Variants in TTLL3 observed in about 807,000 individuals in gnomAD.
The protein encoded by TTLL3 is tubulin monoglycylase TTLL3.
In TTLL3, 63 loss-of-function variants were observed where a neutral mutation model predicts 75.2. That is an observed-to-expected ratio of 0.84 (90% CI 0.68 to 1.03). The LOEUF is 1.03. TTLL3 is among the 50% of genes least tolerant of loss of function. TTLL3 has a pLI of 0.00. For missense variants in TTLL3, 997 were observed against 1,069.9 expected, an observed-to-expected ratio of 0.93 and a Z score of 0.95; for synonymous variants, 393 against 418.5, an observed-to-expected ratio of 0.94 and a Z score of 0.74.
In TTLL3 at chr3:9,816,388, C is replaced by CATTT. The variant is rs1319788974; in HGVS notation, c.444+187_444+190dup. 6.6e-5 allele frequency among the ~76,000 whole-genome samples: 10 copies of CATTT among 152,260 alleles called. No individual in the cohort carries two copies. In the Middle Eastern group the frequency reaches 0.01, roughly 155 times the overall value. ...AATCCAGCCCCTGCACCGTATCCGG[C>CATTT]ATTTGTAGATATGATGTCTAAAATG... is the stretch of plus-strand genomic sequence containing the variant. On this transcript the variant is annotated intron_variant, in intron 5 of 13. Coordinates refer to ENST00000685419, the MANE Select transcript of TTLL3 (RefSeq NM_001387446.1).
upstream of TTLL3, chr3:9,810,038 G>A (rs2079196531): frequency 7.5e-7 from 1 of 1,329,578 alleles, no homozygotes; most frequent in Non-Finnish European, 9.6e-7. The surrounding 1 kb of genome is among the most constrained non-coding windows in gnomAD (Gnocchi z 4.4). Flanking sequence ...CTGCTCCTGA[G>A]CGCGAGGGAG....
intron 8 of TTLL3, among the ~76,000 whole-genome samples, chr3:9,825,218 G>T (rs752717591): frequency 2.6e-5 from 4 of 151,946 alleles, no homozygotes; most frequent in Non-Finnish European, 4.4e-5. Context: ...GTGTGGTGGC[G>T]TATGCCTGTA....
intron 9 of TTLL3, among the ~76,000 whole-genome samples, chr3:9,826,206 A>G (rs1448585764): frequency 2.0e-5 from 3 of 152,256 alleles, no homozygotes; most frequent in Non-Finnish European, 4.4e-5. Context: ...CTAAAGCACT[A>G]TTCCAAATCC....
In TTLL3 at chr3:9,811,372, ATC is replaced by A. The variant is rs557950043; in HGVS notation, c.48+668_48+669del. ...TCCTCCCCAGTCTCCAGTCTTTCCC[ATC>A]TCTCAGTTCCTCACGCCAGAAATCT... On this transcript the variant is annotated intron_variant, in intron 2 of 13. Coordinates refer to ENST00000685419, the MANE Select transcript of TTLL3 (RefSeq NM_001387446.1). Among the ~76,000 whole-genome samples the A allele has an allele frequency of 1.9e-3, 290 of 152,160 alleles. 1 individual carries two copies. The highest frequency in any genetic ancestry group is 3.7e-4 in the Non-Finnish European group (25 of 67,998).
chr3:9,810,552 A>G lies in TTLL3; in HGVS notation c.-41-69A>G. 1 of 1,494,424 alleles carries G rather than the reference A, an allele frequency of 6.7e-7. No individual in the cohort carries two copies. The allele number at this position is 1,494,424 out of a possible 1,614,324, so 92.6% of individuals were successfully genotyped here. A position where few individuals can be genotyped will look rare whatever the true frequency, so the allele number is the denominator to read the frequency against. The stretch of plus-strand genomic sequence containing the variant: ...AGAGGCGTGGCTATGGGCGGCCAGA[A>G]AAGATCCTAGGCCGAGACCCTAGGC... On this transcript the variant is annotated intron_variant, in intron 1 of 13. Coordinates refer to ENST00000685419, the MANE Select transcript of TTLL3 (RefSeq NM_001387446.1). The surrounding 1 kb of genome is among the most constrained non-coding windows in gnomAD (Gnocchi z 4.4).
rs111303148 is a variant in TTLL3, at chr3:9,835,443, T to C, written c.2402T>C (p.Val801Ala). The change falls in exon 14 of 14, where the codon GTG (valine) becomes GCG (alanine). Residue 801 changes from valine to alanine, a missense_variant. Transcript: ENST00000685419. ...TCCATTGCTGTTGGAGGGTCAAGAG[T>C]GGATGGGGCGAGGCCGTGTACCCCA... is the stretch of plus-strand genomic sequence containing the variant. ...LDSIAVGGSR[V>A]DGARPCTPGS... is the part of the protein sequence containing the mutation. 1.9e-3 allele frequency: 3,031 copies of C among 1,611,346 alleles called. 58 individuals are homozygous for C. In the African/African-American group the frequency reaches 0.033, roughly 17 times the overall value.
At position 9,835,241 on chromosome 3, in the gene TTLL3, G is replaced by A. The variant is rs767730360; in HGVS notation, c.2200G>A (p.Ala734Thr). ...RPDCDKPRAE[A>T]CPMKRLSPLK... ...AGACTGTGACAAACCCAGGGCTGAG[G>A]CCTGCCCCATGAAGAGGCTGAGCCC... The change falls in exon 14 of 14, where the codon GCC (alanine) becomes ACC (threonine). Residue 734 changes from alanine (A) to threonine (T), a missense_variant. Ala to Thr is a moderately conservative substitution (Grantham distance 58). Transcript: ENST00000685419. 3.1e-6 allele frequency: 5 copies of A among 1,614,188 alleles called. No homozygotes were observed. Among genetic ancestry groups the A allele is most frequent in the Admixed American group, 1.7e-5 (1 of 60,022 alleles).
chr3:9,825,482 AATG>A, intron 8 of TTLL3: 1 of 393,620 alleles, frequency 2.5e-6, no homozygotes, highest in Non-Finnish European at 4.9e-6. Flanking sequence ...TAGGAACTGG[AATG>A]ATTAAATTCT....
Position 9,835,125 on chromosome 3 carries a change from A to G in TTLL3, c.2084A>G (p.Gln695Arg), listed in dbSNP as rs973726880. ...GCTCTCCTGTGCCTCCGAGGCCCCC[A>G]GCTGGAAGTGCCTTGTTGCCTCTGC... Reference protein sequence around the residue: ...APALLCLRGPQLEVPCCLCPL... With the variant: ...APALLCLRGPRLEVPCCLCPL... The change falls in exon 14 of 14, where the codon CAG (glutamine) becomes CGG (arginine). Residue 695 changes from glutamine to arginine, a missense_variant. Coordinates refer to ENST00000685419, the MANE Select transcript of TTLL3 (RefSeq NM_001387446.1). 4 of 1,612,956 alleles carry G rather than the reference A, an allele frequency of 2.5e-6. No individual in the cohort carries two copies. Among genetic ancestry groups the G allele is most frequent in the Non-Finnish European group, 3.4e-6 (4 of 1,179,232 alleles).
intron 10 of TTLL3, 127 bp from the exon 11 acceptor site, chr3:9,828,833 A>G: frequency 4.2e-6 from 5 of 1,201,234 alleles, no homozygotes; most frequent in Non-Finnish European, 5.8e-6. Context: ...CCTTCCCAGT[A>G]GGGCCCCATC....
chr3:9,819,093 A>G, intron 7 of TTLL3, 173 bp downstream of exon 7: 1 of 823,894 alleles, frequency 1.2e-6, no homozygotes, highest in South Asian at 1.8e-5. Flanking sequence ...CCATCCATCC[A>G]CTCATCCACC....
intron 11 of TTLL3, among the ~76,000 whole-genome samples, chr3:9,830,460 C>G (rs2081414049): frequency 6.6e-6 from 1 of 152,140 alleles, no homozygotes; most frequent in African/African-American, 2.4e-5. Flanking sequence ...TCTGATTAGC[C>G]TCCGGTTTCT....
chr3:9,825,863 G>C lies in TTLL3; in HGVS notation c.918G>C (p.Gln306His). ...AGCGCTGTGAGGACATCCTGCAGCA[G>C]CTGCAGGCCGTGGTACCCCAGATAG... is the stretch of plus-strand genomic sequence containing the variant. ...QVQRCEDILQ[Q>H]LQAVVPQIDM... Residue 306 changes from glutamine to histidine, a missense_variant, in exon 9 of 14, where the codon CAG becomes CAC. Gln to His is a conservative substitution (Grantham distance 24). Transcript: ENST00000685419. 2 of 1,614,184 alleles carry C rather than the reference G, an allele frequency of 1.2e-6. No homozygotes were observed. The highest frequency in any genetic ancestry group is 8.5e-7 in the Non-Finnish European group (1 of 1,180,024).
chr3:9,826,912 G>T, intron 9 of TTLL3, 85 bp from the exon 10 acceptor site: 2 of 1,586,006 alleles, frequency 1.3e-6, no homozygotes, highest in African/African-American at 1.3e-5. Flanking sequence ...TATCAGCTCC[G>T]AGGGGACAAG....
chr3:9,821,491 C>A (rs2124848949), intron 8 of TTLL3, among the ~76,000 whole-genome samples: 1 of 152,174 alleles, frequency 6.6e-6, no homozygotes, highest in East Asian at 1.9e-4. Flanking sequence ...GGTGGGAGTG[C>A]TAGGAATCTC....
chr3:9,824,717 T>TTTTTC (rs1231135432), intron 8 of TTLL3, among the ~76,000 whole-genome samples: 21 of 146,376 alleles, frequency 1.4e-4, no homozygotes, highest in South Asian at 4.3e-4. Flanking sequence ...CCCAGTTTAC[T>TTTTTC]TTTTCTTTTC....
At chr3:9,813,422 T>G (rs1426685186) in intron 4 of TTLL3, 77 bp downstream of exon 4, 7 of 1,514,782 alleles carry the variant, frequency 4.6e-6, no homozygotes, top group Non-Finnish European at 6.4e-6. Flanking sequence ...CTGGGTGACC[T>G]CAGACAAGTC....
intron 11 of TTLL3, 108 bp from the exon 12 acceptor site, chr3:9,832,996 C>A: frequency 7.3e-7 from 1 of 1,375,776 alleles, no homozygotes; most frequent in Admixed American, 1.9e-5. Context: ...GCCTCTTTGA[C>A]CAGGTGCCTC....
Position 9,834,778 on chromosome 3 carries a change from G to A in TTLL3, c.1923G>A (p.Lys641=). The change falls in exon 13 of 14, where the codon AAG becomes AAA. Residue 641 remains lysine, a synonymous_variant. Coordinates refer to ENST00000685419, the MANE Select transcript of TTLL3 (RefSeq NM_001387446.1). ...QGQVLRRQHS[K]LVGTKALSTT... ...AGGTCCTCAGACGACAGCACAGCAA[G>A]CTGGTGGGCACTAAGGCCCTGTCGA... 1 of 1,614,224 alleles carries A rather than the reference G, an allele frequency of 6.2e-7. No homozygotes were observed. Among genetic ancestry groups the A allele is most frequent in the Non-Finnish European group, 8.5e-7 (1 of 1,180,044 alleles).
Sources: allele counts gnomAD v4.1 joint callset (sites outside exome capture counted in the v4.1 genomes callset), GRCh38; gene constraint gnomAD v4.1.1; non-coding constraint Gnocchi (gnomAD v3.1); transcripts MANE v1.5; gene names NCBI Gene and HGNC (gene_info 2026-07-23, HGNC 2026-07-21).